CACNB2: variants seen among roughly 807,000 people sequenced by gnomAD.
CACNB2 encodes voltage-dependent L-type calcium channel subunit beta-2.
CACNB2 carries 42 observed loss-of-function variants against 73.3 expected under a neutral mutation model. The ratio of observed to expected loss-of-function variants is 0.57; its 90% CI spans 0.45 to 0.74. CACNB2 has a LOEUF of 0.74. Ranked by LOEUF, CACNB2 falls within the 30% of genes least tolerant of loss-of-function variation. CACNB2 has a pLI of 0.00. For missense variants in CACNB2, 940 were observed against 853.0 expected, an observed-to-expected ratio of 1.10 and a Z score of -1.27; for synonymous variants, 348 against 310.3, an observed-to-expected ratio of 1.12 and a Z score of -1.28.
intron 2 of CACNB2, among the ~76,000 whole-genome samples, chr10:18,317,852 T>C (rs773157873): frequency 6.6e-6 from 1 of 152,208 alleles, no homozygotes; most frequent in Non-Finnish European, 1.5e-5. Flanking sequence ...AAATCAGCTA[T>C]GAATAAAGAA....
chr10:18,274,146 G>A (rs1469857651), intron 2 of CACNB2, among the ~76,000 whole-genome samples: 2 of 152,046 alleles, frequency 1.3e-5, no homozygotes, highest in Non-Finnish European at 2.9e-5. Context: ...AAGCCTGTTG[G>A]CAACTTCCCT....
At chr10:18,216,133 TAA>T (rs5783587) in intron 2 of CACNB2, among the ~76,000 whole-genome samples, 337 of 144,634 alleles carry the variant, frequency 2.3e-3, no homozygotes, top group Non-Finnish European at 2.5e-3. Context: ...CCGTCTCAAC[TAA>T]AAAAAAAAAA....
intron 2 of CACNB2, among the ~76,000 whole-genome samples, chr10:18,375,118 A>G (rs1359885272): frequency 6.6e-6 from 1 of 152,148 alleles, no homozygotes; most frequent in South Asian, 2.1e-4. Context: ...CTCGGGAGGC[A>G]GGAAGATTGC....
At chr10:18,241,289 G>A (rs1378990377) in intron 2 of CACNB2, among the ~76,000 whole-genome samples, 3 of 151,942 alleles carry the variant, frequency 2.0e-5, no homozygotes, top group Non-Finnish European at 4.4e-5. Context: ...TTCTTAAATT[G>A]ACTGAAAAAA....
At chr10:18,433,162 A>G (rs11014210) in intron 3 of CACNB2, among the ~76,000 whole-genome samples, 23,727 of 152,010 alleles carry the variant, frequency 0.16, 2,181 homozygotes, top group East Asian at 0.26. Flanking sequence ...CCTATTAAGT[A>G]CAAGGCAGTA....
At chr10:18,520,841 T>G (rs960757818) in intron 9 of CACNB2, among the ~76,000 whole-genome samples, 1 of 152,236 alleles carries the variant, frequency 6.6e-6, no homozygotes, top group Non-Finnish European at 1.5e-5. Context: ...GGTATACGTG[T>G]GTACATGTAT....
intron 2 of CACNB2, among the ~76,000 whole-genome samples, chr10:18,313,824 G>A (rs1204299723): frequency 1.3e-5 from 2 of 152,170 alleles, no homozygotes; most frequent in Non-Finnish European, 2.9e-5. Context: ...CCACACTAGC[G>A]AAAAACATTG....
chr10:18,335,129 T>TA (rs569772641), intron 2 of CACNB2, among the ~76,000 whole-genome samples: 28,152 of 144,152 alleles, frequency 0.2, 2,817 homozygotes, highest in Middle Eastern at 0.28. Context: ...GTATGAAAAG[T>TA]AAAAAAAAAA....
chr10:18,266,611 G>A (rs771675853), intron 2 of CACNB2, among the ~76,000 whole-genome samples: 8 of 151,994 alleles, frequency 5.3e-5, no homozygotes, highest in South Asian at 4.2e-4. Flanking sequence ...TGAGCGGGCC[G>A]GGCACGGTGG....
At chr10:18,140,936 A>G in intron 1 of CACNB2, 80 bp downstream of exon 1, 1 of 1,538,654 alleles carries the variant, frequency 6.5e-7, no homozygotes, top group South Asian at 1.2e-5. Flanking sequence ...CGGCGCCTCC[A>G]CTGCAGGGAT....
intron 2 of CACNB2, among the ~76,000 whole-genome samples, chr10:18,258,342 T>C (rs548876404): frequency 3.2e-4 from 48 of 152,330 alleles, no homozygotes; most frequent in African/African-American, 1.2e-3. Context: ...TCCCCAGTGT[T>C]TTCATCTTAT....
At chr10:18,400,521 A>G in intron 2 of CACNB2, 2 of 951,848 alleles carry the variant, frequency 2.1e-6, no homozygotes, top group Non-Finnish European at 2.5e-6. Context: ...CGACATATGG[A>G]GCATGCCCAG....
At position 18,287,576 on chromosome 10, in the gene CACNB2, C is replaced by T. The variant is rs867554232; in HGVS notation, c.214-114348C>T. Reference sequence around the variant, plus strand: ...CTGGAAATTCAAAAACAGGGCCAGGCGCAGTGGCTCACGCCTGTAATCCCA... The same window carrying T: ...CTGGAAATTCAAAAACAGGGCCAGGTGCAGTGGCTCACGCCTGTAATCCCA... On this transcript the variant is annotated intron_variant, in intron 2 of 13. Coordinates refer to ENST00000324631, the MANE Select transcript of CACNB2 (RefSeq NM_201596.3). Among the ~76,000 whole-genome samples the T allele has an allele frequency of 3.3e-5, 5 of 149,658 alleles. No homozygotes were observed. In the Middle Eastern group the frequency reaches 0.01, roughly 312 times the overall value.
In CACNB2 at chr10:18,233,333, G is replaced by A. The variant is rs1477953296; in HGVS notation, c.213+82358G>A. Among the ~76,000 whole-genome samples the A allele has an allele frequency of 4.6e-5, 7 of 152,022 alleles. No individual in the cohort carries two copies. The East Asian group carries it at 5.8e-4, about 13-fold the overall frequency. On this transcript the variant is annotated intron_variant, in intron 2 of 13. Coordinates refer to ENST00000324631, the MANE Select transcript of CACNB2 (RefSeq NM_201596.3). ...ACTTAAGTCTCCTCTCTCCAGCCAC[G>A]AGCCATATTGCCACTTTTCTATGTT...
At chr10:18,182,168 A>AT (rs970347079) in intron 2 of CACNB2, 1 of 152,022 alleles carries the variant, frequency 6.6e-6, no homozygotes, top group African/African-American at 2.4e-5. Flanking sequence ...GTGTTTATCA[A>AT]TTTTGAAGTA....
At chr10:18,504,262 C>T (rs1203329490) in intron 5 of CACNB2, among the ~76,000 whole-genome samples, 4 of 152,136 alleles carry the variant, frequency 2.6e-5, no homozygotes, top group Non-Finnish European at 4.4e-5. Flanking sequence ...TGATCGAGGT[C>T]GCAGAGCTAG....
chr10:18,439,206 A>G (rs2046297663), intron 3 of CACNB2, among the ~76,000 whole-genome samples: 1 of 152,214 alleles, frequency 6.6e-6, no homozygotes, highest in African/African-American at 2.4e-5. Context: ...GGGTGTCTGC[A>G]TTTCACGAGA....
intron 3 of CACNB2, among the ~76,000 whole-genome samples, chr10:18,437,131 A>T (rs1304469529): frequency 3.3e-5 from 5 of 152,260 alleles, no homozygotes; most frequent in Non-Finnish European, 7.3e-5. Context: ...ATTGGATGCT[A>T]TGGTAAACTC....
intron 6 of CACNB2, chr10:18,513,120 T>TTTTTC (rs2050931389): frequency 1.3e-5 from 2 of 156,004 alleles, no homozygotes; most frequent in African/African-American, 2.4e-5. Context: ...TTTTTTTTTT[T>TTTTTC]TGGTGCAAGT....
Sources: gnomAD v4.1 joint callset for allele counts (sites outside exome capture counted in the v4.1 genomes callset) on GRCh38, gnomAD v4.1.1 for gene constraint, MANE v1.5 for transcripts, NCBI Gene and HGNC (gene_info 2026-07-23, HGNC 2026-07-21) for gene names.